The following CSMD1 variants were observed in gnomAD, a reference collection of about 807,000 sequenced individuals.
The protein encoded by CSMD1 is CUB and sushi domain-containing protein 1.
Under a neutral mutation model 417.5 loss-of-function variants are expected in CSMD1, and 213 were observed. The observed-to-expected ratio is 0.51, with a 90% CI of 0.46 to 0.57. CSMD1 has a LOEUF of 0.57. Ranked by LOEUF, CSMD1 falls within the 20% of genes least tolerant of loss-of-function variation. CSMD1 has a pLI of 0.00. For missense variants in CSMD1, 6,923 were observed against 4,529.7 expected (o/e 1.53, Z -15.17); for synonymous variants, 2,862 against 1,736.8 (o/e 1.65, Z -16.11).
intron 3 of CSMD1, among the ~76,000 whole-genome samples, chr8:4,169,627 T>G (rs1797652170): frequency 2.6e-5 from 4 of 152,050 alleles, no homozygotes; most frequent in Non-Finnish European, 5.9e-5. Flanking sequence ...AGTGCATCAG[T>G]CCCTTGCTGC....
intron 12 of CSMD1, among the ~76,000 whole-genome samples, chr8:3,426,794 G>C (rs146146645): frequency 4.2e-4 from 64 of 152,284 alleles, no homozygotes; most frequent in African/African-American, 1.3e-3. Flanking sequence ...GTTGTGCCCA[G>C]TTAGTTTCCT....
intron 5 of CSMD1, among the ~76,000 whole-genome samples, chr8:3,845,788 C>A (rs905373688): frequency 6.6e-6 from 1 of 151,930 alleles, no homozygotes; most frequent in Non-Finnish European, 1.5e-5. Context: ...TATAAAATAT[C>A]TTATTTCTTT....
chr8:3,367,390 G>T (rs1809665825), intron 19 of CSMD1, 143 bp from the exon 20 acceptor site: 10 of 621,856 alleles, frequency 1.6e-5, no homozygotes, highest in Non-Finnish European at 2.6e-5. Context: ...GGGGAAGACA[G>T]ATTGCAGAGA....
Position 2,999,706 on chromosome 8 carries a change from C to G in CSMD1, c.8203+252G>C, listed in dbSNP as rs1475804858. ...CACCACTTGGCCAGGGATCCATTTA[C>G]AATGAATTGATAAGCAAATTAAATG... On this transcript the variant is annotated intron_variant, in intron 53 of 69. Coordinates refer to ENST00000635120, the MANE Select transcript of CSMD1 (RefSeq NM_033225.6). Among the ~76,000 whole-genome samples, 3 of 151,846 alleles carry G rather than the reference C, an allele frequency of 2.0e-5. No individual in the cohort carries two copies. The East Asian group carries it at 5.9e-4, about 30-fold the overall frequency.
At chr8:3,115,983 C>A (rs1458238485) in intron 42 of CSMD1, among the ~76,000 whole-genome samples, 1 of 152,162 alleles carries the variant, frequency 6.6e-6, no homozygotes, top group Non-Finnish European at 1.5e-5. Context: ...ATACATGTTA[C>A]ATGAAGATAC....
chr8:3,922,033 G>A (rs922443440), intron 5 of CSMD1, among the ~76,000 whole-genome samples: 11 of 152,102 alleles, frequency 7.2e-5, no homozygotes, highest in African/African-American at 2.4e-4. Context: ...CTCCAGTTCT[G>A]TTAATATTTG....
rs567848214 is a variant in CSMD1, at chr8:4,623,638, G to C, written c.302+13704C>G. On this transcript the variant is annotated intron_variant, in intron 2 of 69. Coordinates refer to ENST00000635120, the MANE Select transcript of CSMD1 (RefSeq NM_033225.6). ...TGGCATAGCTGTATATTGGAATTCTGCTTAACCATAAAAAATGTACCATTT... is the reference window on the plus strand; with the variant it reads ...TGGCATAGCTGTATATTGGAATTCTCCTTAACCATAAAAAATGTACCATTT... Among the ~76,000 whole-genome samples the C allele has an allele frequency of 1.3e-4, 20 of 152,160 alleles. No individual in the cohort carries two copies. In the South Asian group the frequency reaches 3.1e-3, roughly 24 times the overall value.
At chr8:4,728,741 T>C (rs537302716) in intron 1 of CSMD1, among the ~76,000 whole-genome samples, 1 of 152,228 alleles carries the variant, frequency 6.6e-6, no homozygotes, top group South Asian at 2.1e-4. Context: ...GCTCAATTAA[T>C]ATTTCTAAAT....
At chr8:4,562,874 T>A (rs542452061) in intron 2 of CSMD1, among the ~76,000 whole-genome samples, 1 of 152,278 alleles carries the variant, frequency 6.6e-6, no homozygotes, top group African/African-American at 2.4e-5. Context: ...CACAAAAACC[T>A]TAGTAAGTAA....
intron 3 of CSMD1, among the ~76,000 whole-genome samples, chr8:4,041,493 T>G (rs796989007): frequency 3.3e-5 from 5 of 152,252 alleles, no homozygotes; most frequent in African/African-American, 1.2e-4. Context: ...GTTCCACAAA[T>G]AGTCAACCAA....
intron 1 of CSMD1, among the ~76,000 whole-genome samples, chr8:4,764,590 G>A (rs1334823034): frequency 4.0e-5 from 6 of 151,086 alleles, no homozygotes; most frequent in Admixed American, 3.3e-4. Context: ...TTAAACTACT[G>A]TTTTCTAAAA....
intron 2 of CSMD1, among the ~76,000 whole-genome samples, chr8:4,538,477 T>C (rs1400593186): frequency 2.0e-5 from 3 of 152,004 alleles, no homozygotes; most frequent in Non-Finnish European, 4.4e-5. Context: ...ACCCTGTCTC[T>C]ACTAAAAATA....
At chr8:3,772,161 G>A (rs991147638) in intron 5 of CSMD1, among the ~76,000 whole-genome samples, 1 of 100,248 alleles carries the variant, frequency 1.0e-5, no homozygotes, top group African/African-American at 3.9e-5. Context: ...TTCTCAGAAA[G>A]GGCAACATAT....
At chr8:3,012,272 GT>G (rs1481882472) in intron 52 of CSMD1, among the ~76,000 whole-genome samples, 3 of 152,172 alleles carry the variant, frequency 2.0e-5, no homozygotes, top group Non-Finnish European at 4.4e-5. Context: ...CATGGATTGA[GT>G]TCTTGAATAT....
At chr8:4,151,511 A>G (rs890268234) in intron 3 of CSMD1, among the ~76,000 whole-genome samples, 1 of 152,210 alleles carries the variant, frequency 6.6e-6, no homozygotes, top group African/African-American at 2.4e-5. Context: ...CAAATGGAAG[A>G]TTTTGGTAGT....
intron 10 of CSMD1, among the ~76,000 whole-genome samples, chr8:3,503,558 T>G (rs765436792): frequency 6.6e-6 from 1 of 152,204 alleles, no homozygotes; most frequent in Non-Finnish European, 1.5e-5. Context: ...CCTTTAAGTA[T>G]TACTGACATC....
chr8:4,224,577 G>C (rs983861760), intron 3 of CSMD1, among the ~76,000 whole-genome samples: 2 of 152,154 alleles, frequency 1.3e-5, no homozygotes, highest in East Asian at 1.9e-4. Context: ...TGCTTCAGTG[G>C]TGCCTCCGGA....
At chr8:3,998,552 T>A in intron 4 of CSMD1, among the ~76,000 whole-genome samples, 1 of 152,342 alleles carries the variant, frequency 6.6e-6, no homozygotes, top group African/African-American at 2.4e-5. Flanking sequence ...TGTCTTAAAT[T>A]TATTTTCCAT....
intron 1 of CSMD1, among the ~76,000 whole-genome samples, chr8:4,822,927 G>C (rs1799602200): frequency 6.6e-6 from 1 of 152,034 alleles, no homozygotes; most frequent in African/African-American, 2.4e-5. Context: ...CTAATATTTT[G>C]TTTTGATAAT....
Sources: gnomAD v4.1 joint callset for allele counts (sites outside exome capture counted in the v4.1 genomes callset) on GRCh38, gnomAD v4.1.1 for gene constraint, MANE v1.5 for transcripts, NCBI Gene and HGNC (gene_info 2026-07-23, HGNC 2026-07-21) for gene names.